PTPDC1: variants seen among roughly 807,000 people sequenced by gnomAD.
The protein encoded by PTPDC1 is protein tyrosine phosphatase domain-containing protein 1.
Under a neutral mutation model 75.3 loss-of-function variants are expected in PTPDC1, and 53 were observed. That is an observed-to-expected ratio of 0.70 (90% CI 0.56 to 0.88). The LOEUF (loss-of-function observed/expected upper bound fraction) is 0.88. Ranked by LOEUF, PTPDC1 falls within the 40% of genes least tolerant of loss-of-function variation. The probability of loss-of-function intolerance (pLI) is 0.00; values close to 1 mark genes in which losing one functional copy is unlikely to be tolerated. For missense variants in PTPDC1, 925 were observed against 998.6 expected (o/e 0.93, Z 0.99); for synonymous variants, 349 against 366.2 (o/e 0.95, Z 0.54).
chr9:94,045,938 G>T (rs529429164), intron 1 of PTPDC1, among the ~76,000 whole-genome samples: 2 of 152,278 alleles, frequency 1.3e-5, no homozygotes, highest in South Asian at 4.1e-4. Context: ...GTCCTGAATG[G>T]TATTGCCTAG....
Position 94,062,186 on chromosome 9 carries a change from G to C in PTPDC1, c.-6-2548G>C, listed in dbSNP as rs181292456. On this transcript the variant is annotated intron_variant, in intron 1 of 9. Transcript: ENST00000375360. ...GTTCAAAGTTCCACAGATACCTAGG[G>C]CAGGGGCACAATCCAGCCAAGCTCT... is the stretch of plus-strand genomic sequence containing the variant. Among the ~76,000 whole-genome samples the C allele has an allele frequency of 2.3e-3, 356 of 152,238 alleles. 1 individual carries two copies. Among genetic ancestry groups the C allele is most frequent in the Non-Finnish European group, 4.2e-3 (288 of 68,022 alleles).
At chr9:94,079,054 C>G (rs988519916) in intron 2 of PTPDC1, among the ~76,000 whole-genome samples, 1 of 152,044 alleles carries the variant, frequency 6.6e-6, no homozygotes, top group Non-Finnish European at 1.5e-5. Flanking sequence ...CTTTCCATGT[C>G]TCATACTTTT....
intron 1 of PTPDC1, among the ~76,000 whole-genome samples, chr9:94,063,048 A>G (rs975722607): frequency 1.3e-5 from 2 of 152,210 alleles, no homozygotes; most frequent in Non-Finnish European, 2.9e-5. Context: ...TCATTACATT[A>G]TAGCTGAAGA....
rs73516289 is a variant in PTPDC1, at chr9:94,075,090, C to A, written c.83-10161C>A. Among the ~76,000 whole-genome samples the A allele has an allele frequency of 6.0e-3, 917 of 152,118 alleles. 12 individuals carry two copies. The highest frequency in any genetic ancestry group is 0.021 in the African/African-American group (859 of 41,422). On this transcript the variant is annotated intron_variant, in intron 2 of 9. Coordinates refer to the PTPDC1 transcript ENST00000375360. ...CACAGATAGACCCCAATGACACCACCCTGGCAGAGGAACTGCAGCACTGCC... is the reference window on the plus strand; with the variant it reads ...CACAGATAGACCCCAATGACACCACACTGGCAGAGGAACTGCAGCACTGCC...
At chr9:94,094,844 G>A (rs1339467989) in intron 4 of PTPDC1, among the ~76,000 whole-genome samples, 2 of 152,212 alleles carry the variant, frequency 1.3e-5, no homozygotes, top group African/African-American at 4.8e-5. Flanking sequence ...GACTTTCCAG[G>A]TGCCGTCCAT....
At chr9:94,089,098 CTT>C (rs777026934) in intron 4 of PTPDC1, among the ~76,000 whole-genome samples, 4 of 137,482 alleles carry the variant, frequency 2.9e-5, no homozygotes, top group Non-Finnish European at 6.3e-5. Flanking sequence ...TTTTATTATA[CTT>C]TAAGTTTTAG....
In PTPDC1 at chr9:94,104,311, A is replaced by G. The variant is rs1827942936; in HGVS notation, c.2236A>G (p.Ile746Val). ...GACTATTCTCTGCGTGTTGCACTGCATAGTGAACCTGCAGACAATTCCCGT... is the reference window on the plus strand; with the variant it reads ...GACTATTCTCTGCGTGTTGCACTGCGTAGTGAACCTGCAGACAATTCCCGT... ...HQTILCVLHC[I>V]VNLQTIPVDV... Residue 746 changes from isoleucine to valine, a missense_variant, in exon 8 of 9, where the codon ATA becomes GTA. Ile to Val is a conservative substitution (Grantham distance 29, BLOSUM62 3). Transcript: ENST00000620992. 6.2e-7 allele frequency: 1 copy of G among 1,613,806 alleles called. No individual in the cohort carries two copies. The highest frequency in any genetic ancestry group is 8.5e-7 in the Non-Finnish European group (1 of 1,179,820).
At position 94,100,950 on chromosome 9, in the gene PTPDC1, A is replaced by C. The variant is rs1827815087; in HGVS notation, c.2014-616A>C. The C allele has an allele frequency of 2.6e-5, 4 of 152,192 alleles. 1 individual carries two copies. The South Asian group carries it at 6.2e-4, about 24-fold the overall frequency. The allele number at this position is 152,192 out of a possible 1,614,324, so 9.4% of individuals were successfully genotyped here. On this transcript the variant is annotated intron_variant, in intron 6 of 8. Transcript: ENST00000620992. ...GAAAAACTTTCCAGTTATCTTCCCT[A>C]TGTCAAATTTCAGGACTCGGGGCTT...
At chr9:94,047,436 A>G (rs1453578959) in intron 1 of PTPDC1, among the ~76,000 whole-genome samples, 2 of 152,210 alleles carry the variant, frequency 1.3e-5, no homozygotes, top group East Asian at 1.9e-4. Context: ...AGGGAAATTT[A>G]TAGCACTAAA....
At chr9:94,093,792 CT>C (rs1189961339) in intron 4 of PTPDC1, among the ~76,000 whole-genome samples, 1 of 145,408 alleles carries the variant, frequency 6.9e-6, no homozygotes, top group Admixed American at 6.9e-5. Context: ...TCTTTTTATT[CT>C]TTTTTCTCTA....
In PTPDC1 at chr9:94,084,701, C is replaced by A. The variant is rs1827008538; in HGVS notation, c.171C>A (p.Leu57=). The change falls in exon 1 of 9, where the codon CTC becomes CTA. Residue 57 remains leucine (L), a synonymous_variant. Coordinates refer to ENST00000620992, the MANE Select transcript of PTPDC1 (RefSeq NM_001253829.2). ...CGAAGCTGCTGTCCTCGTCCTCTCT[C>A]CAGGTGATGGTGGCTGTTTCCTCAG... ...SATKLLSSSS[L]QVMVAVSSVS... The A allele has an allele frequency of 6.2e-7, 1 of 1,613,202 alleles. No homozygotes were observed. The highest frequency in any genetic ancestry group is 1.1e-5 in the South Asian group (1 of 91,008).
rs758994372 is a variant in PTPDC1, at chr9:94,097,557, T to A, written c.991T>A (p.Tyr331Asn). 1.9e-6 allele frequency: 3 copies of A among 1,614,066 alleles called. No individual in the cohort carries two copies. The highest frequency in any genetic ancestry group is 2.5e-6 in the Non-Finnish European group (3 of 1,180,024). The change falls in exon 6 of 9, where the codon TAT becomes AAT. Residue 331 changes from tyrosine (Y) to asparagine (N), a missense_variant. Transcript: ENST00000620992. ...LIRQRHLLHG[Y>N]EARLLKHVPK... The stretch of plus-strand genomic sequence containing the variant: ...TCGCCAGCGTCATCTGCTTCATGGT[T>A]ATGAGGCACGACTTCTGAAACACGT...
intron 2 of PTPDC1, among the ~76,000 whole-genome samples, chr9:94,065,577 C>G (rs768270065): frequency 2.0e-5 from 3 of 152,210 alleles, no homozygotes; most frequent in Admixed American, 6.5e-5. Context: ...TCAACACTTG[C>G]TAGGAACAAG....
intron 2 of PTPDC1, among the ~76,000 whole-genome samples, chr9:94,070,877 G>A (rs1826492899): frequency 6.6e-6 from 1 of 152,112 alleles, no homozygotes; most frequent in Non-Finnish European, 1.5e-5. Context: ...AGTATTCCGT[G>A]GTATGGATGT....
chr9:94,040,415 C>G (rs1314494758), intron 1 of PTPDC1, among the ~76,000 whole-genome samples: 4 of 152,122 alleles, frequency 2.6e-5, no homozygotes, highest in Non-Finnish European at 4.4e-5. Flanking sequence ...GTTTTAAGAT[C>G]AGAAGCTTTT....
intron 4 of PTPDC1, among the ~76,000 whole-genome samples, chr9:94,089,441 G>C (rs1456186377): frequency 4.0e-5 from 5 of 125,250 alleles, no homozygotes; most frequent in Middle Eastern, 3.9e-3. Flanking sequence ...GTATTCCATG[G>C]TGTATATGTG....
At position 94,068,516 on chromosome 9, in the gene PTPDC1, C is replaced by T. The variant is rs139812239; in HGVS notation, c.82+3695C>T. ...GATAACACAAGATGTCATTTTGCCC[C>T]GTCACTGGTTATGTTTAGTTTGATC... On this transcript the variant is annotated intron_variant, in intron 2 of 9. Transcript: ENST00000375360. Among the ~76,000 whole-genome samples, 36 of 152,170 alleles carry T rather than the reference C, an allele frequency of 2.4e-4. 1 individual carries two copies. The East Asian group carries it at 4.8e-3, about 20-fold the overall frequency.
intron 6 of PTPDC1, 119 bp from the exon 7 acceptor site, chr9:94,101,447 G>C: frequency 1.4e-6 from 1 of 694,322 alleles, no homozygotes; most frequent in South Asian, 2.2e-5. Context: ...CTGCACTCTG[G>C]AGCCTGAGTC....
At chr9:94,106,706 C>G (rs540680419) in intron 8 of PTPDC1, among the ~76,000 whole-genome samples, 2 of 152,232 alleles carry the variant, frequency 1.3e-5, no homozygotes, top group Admixed American at 6.5e-5. Context: ...CAAAATTTAT[C>G]AGAGAGGGAG....
Sources: allele counts gnomAD v4.1 joint callset (sites outside exome capture counted in the v4.1 genomes callset), GRCh38; gene constraint gnomAD v4.1.1; transcripts MANE v1.5; gene names NCBI Gene and HGNC (gene_info 2026-07-23, HGNC 2026-07-21).